The following CHRM3 variants were observed in gnomAD, a reference collection of about 807,000 sequenced individuals.
CHRM3 encodes muscarinic acetylcholine receptor M3.
A neutral mutation model predicts 41.8 loss-of-function variants in CHRM3; 11 were observed. The ratio of observed to expected loss-of-function variants is 0.26; its 90% CI spans 0.17 to 0.44. The LOEUF (loss-of-function observed/expected upper bound fraction) is 0.44, where lower values mean the gene tolerates loss of function less well. Among genes scored for constraint, CHRM3 ranks in the 20% least tolerant of loss-of-function variants. The pLI is 1.00. For synonymous variants in CHRM3, 297 were observed against 301.4 expected, an observed-to-expected ratio of 0.99 and a Z score of 0.15; for missense variants, 571 against 745.4, an observed-to-expected ratio of 0.77 and a Z score of 2.72.
At chr1:239,583,778 C>T (rs1044939153) in intron 3 of CHRM3, among the ~76,000 whole-genome samples, 2 of 152,132 alleles carry the variant, frequency 1.3e-5, no homozygotes, top group African/African-American at 4.8e-5. Context: ...TCACCCAGCA[C>T]ATTTTTATTG....
At chr1:239,568,766 C>G (rs910410163) in intron 3 of CHRM3, among the ~76,000 whole-genome samples, 1 of 152,132 alleles carries the variant, frequency 6.6e-6, no homozygotes, top group Non-Finnish European at 1.5e-5. Flanking sequence ...GGCAGCTTTT[C>G]CTAGATCCTG....
intron 3 of CHRM3, among the ~76,000 whole-genome samples, chr1:239,576,690 C>T (rs1408233999): frequency 6.6e-6 from 1 of 151,584 alleles, no homozygotes; most frequent in Non-Finnish European, 1.5e-5. Flanking sequence ...GAAGCTGAGG[C>T]AGGAGGATCA....
intron 3 of CHRM3, among the ~76,000 whole-genome samples, chr1:239,617,626 C>G (rs2148789956): frequency 6.6e-6 from 1 of 152,146 alleles, no homozygotes; most frequent in African/African-American, 2.4e-5. Context: ...CCCAGCTACC[C>G]AGGAGACTGA....
chr1:239,685,097 A>G (rs1342918497), intron 5 of CHRM3, among the ~76,000 whole-genome samples: 1 of 152,152 alleles, frequency 6.6e-6, no homozygotes, highest in Non-Finnish European at 1.5e-5. Flanking sequence ...CTGATTTCAC[A>G]GGGCATTTCG....
At chr1:239,497,577 G>A (rs576740261) in intron 2 of CHRM3, among the ~76,000 whole-genome samples, 4 of 152,266 alleles carry the variant, frequency 2.6e-5, no homozygotes, top group Admixed American at 6.5e-5. Context: ...AAAGAATAAC[G>A]AAAGGTTGAG....
At chr1:239,887,629 C>T (rs568259377) in intron 6 of CHRM3, among the ~76,000 whole-genome samples, 1 of 152,272 alleles carries the variant, frequency 6.6e-6, no homozygotes, top group South Asian at 2.1e-4. Context: ...GAACTTCCAG[C>T]ATTTTATTCG....
At chr1:239,851,674 T>C (rs777151705) in intron 6 of CHRM3, among the ~76,000 whole-genome samples, 2 of 152,196 alleles carry the variant, frequency 1.3e-5, no homozygotes, top group Non-Finnish European at 2.9e-5. Context: ...CATTGTAATA[T>C]ACTTATGGAA....
chr1:239,895,633 T>C (rs552758747), intron 6 of CHRM3, among the ~76,000 whole-genome samples: 2 of 152,336 alleles, frequency 1.3e-5, no homozygotes, highest in East Asian at 1.9e-4. Flanking sequence ...TGGAATACTA[T>C]GCAGCCATAA....
At chr1:239,688,252 A>T (rs945969364) in intron 5 of CHRM3, among the ~76,000 whole-genome samples, 5 of 147,800 alleles carry the variant, frequency 3.4e-5, no homozygotes, top group African/African-American at 1.2e-4. Flanking sequence ...TCTATTATTA[A>T]ATAATATATA....
rs552005636 is a variant in CHRM3, at chr1:239,760,389, A to T, written c.-146-66863A>T. 9.2e-5 allele frequency among the ~76,000 whole-genome samples: 14 copies of T among 152,170 alleles called. No homozygotes were observed. The South Asian group carries it at 2.9e-3, about 32-fold the overall frequency. Reference sequence around the variant, plus strand: ...AATCCTTACTTTGCCTGAAAAAAAAATATGTAGTTTATTGTAGCACGGCAG... The same window carrying T: ...AATCCTTACTTTGCCTGAAAAAAAATTATGTAGTTTATTGTAGCACGGCAG... On this transcript the variant is annotated intron_variant, in intron 5 of 6. Coordinates refer to ENST00000676153, the MANE Select transcript of CHRM3 (RefSeq NM_001375978.1).
chr1:239,519,603 CAT>C (rs551107444), intron 2 of CHRM3, among the ~76,000 whole-genome samples: 132 of 152,184 alleles, frequency 8.7e-4, no homozygotes, highest in African/African-American at 3.1e-3. Context: ...TGTTAGTAGA[CAT>C]ATTTTTAACA....
intron 1 of CHRM3, among the ~76,000 whole-genome samples, chr1:239,463,244 C>T (rs896851634): frequency 1.3e-5 from 2 of 151,964 alleles, no homozygotes; most frequent in African/African-American, 4.8e-5. Flanking sequence ...TTGTATGAGG[C>T]ATTATTTTCA....
At chr1:239,797,197 CA>C (rs1224822916) in intron 5 of CHRM3, among the ~76,000 whole-genome samples, 2 of 151,852 alleles carry the variant, frequency 1.3e-5, no homozygotes, top group Admixed American at 6.6e-5. Flanking sequence ...CTGAGGATTC[CA>C]AAAATTGGGA....
At chr1:239,745,674 A>G (rs1183367805) in intron 5 of CHRM3, among the ~76,000 whole-genome samples, 2 of 152,056 alleles carry the variant, frequency 1.3e-5, no homozygotes, top group Non-Finnish European at 2.9e-5. Context: ...GAAGTAGATT[A>G]TAATTTTAGA....
At chr1:239,726,144 G>T (rs554844506) in intron 5 of CHRM3, among the ~76,000 whole-genome samples, 5 of 151,890 alleles carry the variant, frequency 3.3e-5, no homozygotes, top group Non-Finnish European at 5.9e-5. Flanking sequence ...CTTTGGAACC[G>T]CCAAGGCCCT....
rs73124686 is a variant in CHRM3 at position 239,660,387 on chromosome 1, T to C, written c.-249-17799T>C. On this transcript the variant is annotated intron_variant, in intron 4 of 6. Transcript: ENST00000676153. ...ACGATCTCCTCAGCTTCTTACAACT[T>C]TCTTCTTCCCTACACTTACCAAATC... is the stretch of plus-strand genomic sequence containing the variant. Among the ~76,000 whole-genome samples, 1,169 of 152,140 alleles carry C rather than the reference T, an allele frequency of 7.7e-3. 17 individuals are homozygous for C. Among genetic ancestry groups the C allele is most frequent in the African/African-American group, 0.027 (1,105 of 41,518 alleles).
At chr1:239,686,813 C>G (rs1219201716) in intron 5 of CHRM3, among the ~76,000 whole-genome samples, 1 of 152,160 alleles carries the variant, frequency 6.6e-6, no homozygotes, top group African/African-American at 2.4e-5. Context: ...CTGGAGCATT[C>G]AGAAAGATCA....
At chr1:239,662,909 T>TCTTCTTCTTCTTCTTCTTCTTCTC (rs1673380409) in intron 4 of CHRM3, among the ~76,000 whole-genome samples, 2 of 137,432 alleles carry the variant, frequency 1.5e-5, no homozygotes, top group African/African-American at 2.7e-5. Flanking sequence ...TTCTTCTTCT[T>TCTTCTTCTTCTTCTTCTTCTTCTC]CTTCTTCTTC....
intron 3 of CHRM3, among the ~76,000 whole-genome samples, chr1:239,582,145 G>A (rs1662960350): frequency 2.0e-5 from 3 of 152,038 alleles, no homozygotes; most frequent in Admixed American, 6.6e-5. Context: ...CTATGAACTT[G>A]GGATCCTATT....
Sources: gnomAD v4.1 joint callset for allele counts (sites outside exome capture counted in the v4.1 genomes callset) on GRCh38, gnomAD v4.1.1 for gene constraint, MANE v1.5 for transcripts, NCBI Gene and HGNC (gene_info 2026-07-23, HGNC 2026-07-21) for gene names.